ACAN: variants seen among roughly 807,000 people sequenced by gnomAD.
ACAN encodes aggrecan, also known as aggrecan core protein.
ACAN carries 47 observed loss-of-function variants against 169.1 expected under a neutral mutation model. The observed-to-expected ratio is 0.28, with a 90% CI of 0.22 to 0.35. The LOEUF is 0.35. Ranked by LOEUF, ACAN falls within the 10% of genes least tolerant of loss-of-function variation. The pLI is 1.00. For missense variants in ACAN, 2,716 were observed against 2,759.9 expected, an observed-to-expected ratio of 0.98 and a Z score of 0.36; for synonymous variants, 1,115 against 1,112.2, an observed-to-expected ratio of 1.00 and a Z score of -0.05.
Position 88,831,263 on chromosome 15 carries a change from G to A in ACAN, c.-7-4937G>A, listed in dbSNP as rs777326033. 3.0e-4 allele frequency among the ~76,000 whole-genome samples: 46 copies of A among 152,198 alleles called. 1 individual carries two copies. The highest frequency in any genetic ancestry group is 1.0e-4 in the Non-Finnish European group (7 of 68,034). ...ACCCTGATTGTTCCTCCTCTGGGCC[G>A]CACATGGCCTGTGACCTTCCCAAAA... On this transcript the variant is annotated intron_variant, in intron 1 of 18. Coordinates refer to ENST00000560601, the MANE Select transcript of ACAN (RefSeq NM_001369268.1).
rs551477311 is a variant in ACAN at position 88,871,183 on chromosome 15, C to T, written c.7061-199C>T. 6.6e-6 allele frequency among the ~76,000 whole-genome samples: 1 copy of T among 152,240 alleles called. No homozygotes were observed. The highest frequency in any genetic ancestry group is 3.4e-3 in the Middle Eastern group (1 of 294). ...AAGGAAAGGGCCCCTGGCATTTTCC[C>T]GAGTGGAAGCATGTGCAGAGGCTCC... is the stretch of plus-strand genomic sequence containing the variant. On this transcript the variant is annotated intron_variant, in intron 14 of 18. Transcript: ENST00000560601. The surrounding 1 kb of genome is among the most constrained non-coding windows in gnomAD (Gnocchi z 7.8).
Position 88,858,202 on chromosome 15 carries a change from G to C in ACAN, c.5617G>C (p.Asp1873His), listed in dbSNP as rs762387037. The C allele has an allele frequency of 1.3e-5, 21 of 1,613,942 alleles. No individual in the cohort carries two copies. The highest frequency in any genetic ancestry group is 1.8e-5 in the Non-Finnish European group (21 of 1,179,892). ...ADLSGKSGMV[D>H]VSGQFSGTVD... ...TCTGTCAGGCAAATCTGGGATGGTG[G>C]ATGTCAGTGGACAGTTTTCTGGAAC... The change falls in exon 12 of 19, where the codon GAT (aspartate) becomes CAT (histidine). Residue 1873 changes from aspartate to histidine, a missense_variant. This residue lies in a region of ACAN where 1,389 missense variants were observed against 1,363.7 expected (regional missense o/e 1.02). Transcript: ENST00000560601. This position sits in a 1 kb window ranked among gnomAD's most constrained non-coding sequence, Gnocchi z 4.0.
In ACAN at chr15:88,838,604, C is replaced by T. The variant is rs915962339; in HGVS notation, c.71-59C>T. On this transcript the variant is annotated intron_variant, in intron 2 of 18. Coordinates refer to ENST00000560601, the MANE Select transcript of ACAN (RefSeq NM_001369268.1). The surrounding 1 kb of genome is among the most constrained non-coding windows in gnomAD (Gnocchi z 5.1). The stretch of plus-strand genomic sequence containing the variant: ...ATTGCTGGAAGGATGGATGGGGAGG[C>T]GGGGTGGTCCTCTCTAGGCACTAAC... The T allele has an allele frequency of 2.2e-5, 34 of 1,518,952 alleles. No homozygotes were observed. Among genetic ancestry groups the T allele is most frequent in the Middle Eastern group, 1.8e-4 (1 of 5,632 alleles). 94.1% of individuals were successfully genotyped at this position (1,518,952 alleles called of 1,614,324 possible).
chr15:88,855,088 C>A lies in ACAN; in HGVS notation c.2503C>A (p.Pro835Thr), dbSNP rs772728936. 3.8e-6 allele frequency: 6 copies of A among 1,591,328 alleles called. No individual in the cohort carries two copies. The Admixed American group carries it at 5.3e-5, about 14-fold the overall frequency. ...CAAGGAGCCATCCCCCTCAGAGGAACCATCAGCCTCGGAAGAGCCGTATAC... is the reference window on the plus strand; with the variant it reads ...CAAGGAGCCATCCCCCTCAGAGGAAACATCAGCCTCGGAAGAGCCGTATAC... Reference protein sequence around the residue: ...PSKEPSPSEEPSASEEPYTPS... With the variant: ...PSKEPSPSEETSASEEPYTPS... The change falls in exon 12 of 19, where the codon CCA (proline) becomes ACA (threonine). Residue 835 changes from proline to threonine, a missense_variant. This residue lies in a region of ACAN where 1,283 missense variants were observed against 1,281.5 expected (regional missense o/e 1.00). Coordinates refer to ENST00000560601, the MANE Select transcript of ACAN (RefSeq NM_001369268.1).
intron 13 of ACAN, 92 bp downstream of exon 13, chr15:88,860,531 C>A: frequency 9.5e-7 from 1 of 1,052,348 alleles, no homozygotes; most frequent in South Asian, 1.4e-5. Flanking sequence ...AGGAGGCAAC[C>A]AAGGTCCACT....
chr15:88,865,571 T>A (rs1897265995), intron 13 of ACAN, among the ~76,000 whole-genome samples: 1 of 152,198 alleles, frequency 6.6e-6, no homozygotes, highest in African/African-American at 2.4e-5. Flanking sequence ...AGTCAGCACT[T>A]GGCTCACAGG....
Position 88,854,874 on chromosome 15 carries a change from C to T in ACAN, c.2289C>T (p.Pro763=), listed in dbSNP as rs2351491. Reference sequence around the variant, plus strand: ...CAGGGATCCTTCCTACTTGGCCTCCCACTGGCGCAGCAACAGAGGAAAGTA... The same window carrying T: ...CAGGGATCCTTCCTACTTGGCCTCCTACTGGCGCAGCAACAGAGGAAAGTA... ...PLPGILPTWP[P]TGAATEESTE... is the part of the protein sequence containing the mutation. The change falls in exon 12 of 19, where the codon CCC becomes CCT. Residue 763 remains proline, a synonymous_variant. Coordinates refer to ENST00000560601, the MANE Select transcript of ACAN (RefSeq NM_001369268.1). The T allele has an allele frequency of 0.59, 878,373 of 1,494,474 alleles. 270,953 individuals are homozygous for T. The highest frequency in any genetic ancestry group is 0.65 in the Non-Finnish European group (725,651 of 1,124,046). The allele number at this position is 1,494,474 out of a possible 1,614,324, so 92.6% of individuals were successfully genotyped here.
intron 1 of ACAN, among the ~76,000 whole-genome samples, chr15:88,831,600 A>T (rs945838336): frequency 4.6e-5 from 7 of 152,222 alleles, no homozygotes; most frequent in Non-Finnish European, 1.0e-4. Flanking sequence ...CAAGACAGAC[A>T]CAGCAGCTAC....
chr15:88,838,910 G>A lies in ACAN; in HGVS notation c.318G>A (p.Leu106=). ...VNSAYQDKVS[L]PNYPAIPSDA... ...GTGCCTATCAGGACAAGGTCTCACT[G>A]CCCAACTACCCGGCCATCCCCAGTG... Residue 106 remains leucine (L), a synonymous_variant, in exon 3 of 19, where the codon CTG becomes CTA. Coordinates refer to ENST00000560601, the MANE Select transcript of ACAN (RefSeq NM_001369268.1). The surrounding 1 kb of genome is among the most constrained non-coding windows in gnomAD (Gnocchi z 5.1). The A allele has an allele frequency of 6.2e-7, 1 of 1,614,050 alleles. No homozygotes were observed. Among genetic ancestry groups the A allele is most frequent in the South Asian group, 1.1e-5 (1 of 91,086 alleles).
intron 1 of ACAN, among the ~76,000 whole-genome samples, chr15:88,832,219 A>G (rs1002910454): frequency 6.6e-6 from 1 of 152,016 alleles, no homozygotes; most frequent in Non-Finnish European, 1.5e-5. Flanking sequence ...AAAAAAAAGA[A>G]GTTGTGTGGT....
At chr15:88,853,774 A>ATACATACATACG (rs1288234090) in intron 11 of ACAN, among the ~76,000 whole-genome samples, 3 of 149,964 alleles carry the variant, frequency 2.0e-5, no homozygotes, top group East Asian at 3.9e-4. Flanking sequence ...ACATACATAC[A>ATACATACATACG]TACATACATA....
At chr15:88,831,344 G>A (rs1278429600) in intron 1 of ACAN, among the ~76,000 whole-genome samples, 1 of 152,226 alleles carries the variant, frequency 6.6e-6, no homozygotes, top group Non-Finnish European at 1.5e-5. Context: ...ACATCACAAG[G>A]AAGCAGCGTG....
chr15:88,805,571 G>A (rs1156970213), intron 1 of ACAN, among the ~76,000 whole-genome samples: 1 of 152,112 alleles, frequency 6.6e-6, no homozygotes, highest in Non-Finnish European at 1.5e-5. Flanking sequence ...AATATCTGCT[G>A]AGCGCCACCT....
In ACAN at chr15:88,860,371, G is replaced by T; in HGVS notation, c.6878G>T (p.Cys2293Phe). 1.2e-6 allele frequency: 2 copies of T among 1,613,546 alleles called. No individual in the cohort carries two copies. Among genetic ancestry groups the T allele is most frequent in the East Asian group, 2.2e-5 (1 of 44,872 alleles). The change falls in exon 13 of 19, where the codon TGC (cysteine) becomes TTC (phenylalanine). Residue 2293 changes from cysteine (C) to phenylalanine (F), a missense_variant. By Grantham distance (205) the Cys-to-Phe change is radical. Around this residue, in one of 3 missense-constraint regions of ACAN, gnomAD observed 1,389 missense variants for 1,363.7 expected, o/e 1.02. Coordinates refer to ENST00000560601, the MANE Select transcript of ACAN (RefSeq NM_001369268.1). ...CAEEPCGAGT[C>F]KETEGHVICL... ...GAGGAGCCCTGTGGAGCTGGGACCT[G>T]CAAGGAGACAGAGGGACACGTCATA...
At chr15:88,860,072 C>CTTTTTTTT (rs57985365) in intron 12 of ACAN, among the ~76,000 whole-genome samples, 1,813 of 102,786 alleles carry the variant, frequency 0.018, 147 homozygotes, top group African/African-American at 0.061. Flanking sequence ...GCTGATTTTC[C>CTTTTTTTT]TTTTTTTTTT....
chr15:88,836,012 T>A (rs538409117), intron 1 of ACAN, among the ~76,000 whole-genome samples, 188 bp from the exon 2 acceptor site: 34 of 152,370 alleles, frequency 2.2e-4, no homozygotes, highest in African/African-American at 8.2e-4. Flanking sequence ...CTGAGAAACC[T>A]GTGAAGGTTT....
chr15:88,872,745 C>A lies in ACAN; in HGVS notation c.7303-136C>A. The A allele has an allele frequency of 1.8e-6, 2 of 1,121,572 alleles. No homozygotes were observed. The highest frequency in any genetic ancestry group is 1.3e-6 in the Non-Finnish European group (1 of 799,168). The allele number at this position is 1,121,572 out of a possible 1,614,324, so 69.5% of individuals were successfully genotyped here. A position where few individuals can be genotyped will look rare whatever the true frequency, so the allele number is the denominator to read the frequency against. On this transcript the variant is annotated intron_variant, in intron 16 of 18. Coordinates refer to ENST00000560601, the MANE Select transcript of ACAN (RefSeq NM_001369268.1). The surrounding 1 kb of genome is among the most constrained non-coding windows in gnomAD (Gnocchi z 5.4). ...GATCAGATTCCCAGCAGTTTTTGTG[C>A]TGCTATCAGATGAGCCTGAAGTTGG...
chr15:88,852,102 G>C, intron 11 of ACAN, 69 bp downstream of exon 11: 3 of 1,521,504 alleles, frequency 2.0e-6, no homozygotes, highest in Non-Finnish European at 2.7e-6. Context: ...AGTGTGCCTG[G>C]TGGGGCGGGG....
chr15:88,853,698 A>C (rs942787807), intron 11 of ACAN, among the ~76,000 whole-genome samples: 3 of 152,202 alleles, frequency 2.0e-5, no homozygotes, highest in Non-Finnish European at 4.4e-5. Flanking sequence ...ATGACTGCAA[A>C]TGGTCATCCT....
Sources: allele counts gnomAD v4.1 joint callset (sites outside exome capture counted in the v4.1 genomes callset), GRCh38; gene constraint gnomAD v4.1.1; regional missense constraint gnomAD v4.1.1; non-coding constraint Gnocchi (gnomAD v3.1); transcripts MANE v1.5; gene names NCBI Gene and HGNC (gene_info 2026-07-23, HGNC 2026-07-21).